EPDR1: variants seen among roughly 807,000 people sequenced by gnomAD.
EPDR1 encodes the protein ependymin related 1, also known as mammalian ependymin-related protein 1.
A neutral mutation model predicts 23.7 loss-of-function variants in EPDR1; 27 were observed. The observed-to-expected ratio is 1.14, with a 90% confidence interval of 0.84 to 1.57. The LOEUF (loss-of-function observed/expected upper bound fraction) is 1.57. Ranked by LOEUF, EPDR1 falls within the 40% of genes most tolerant of loss-of-function variation. EPDR1 has a pLI of 0.00. For synonymous variants in EPDR1, 137 were observed against 118.2 expected (o/e 1.16, Z -1.03); for missense variants, 349 against 290.4 (o/e 1.20, Z -1.47).
chr7:37,939,325 G>A (rs1207711579), intron 1 of EPDR1, among the ~76,000 whole-genome samples: 1 of 151,840 alleles, frequency 6.6e-6, no homozygotes, highest in Non-Finnish European at 1.5e-5. Context: ...CTGCCACTGT[G>A]GGCTTAAATC....
chr7:37,924,376 G>T (rs1785774852), intron 1 of EPDR1, among the ~76,000 whole-genome samples: 1 of 152,212 alleles, frequency 6.6e-6, no homozygotes, highest in African/African-American at 2.4e-5. Context: ...CAATAGAGAT[G>T]ACTTGGTGGT....
intron 2 of EPDR1, 49 bp downstream of exon 2, chr7:37,949,097 A>C (rs1562865169): frequency 1.3e-6 from 2 of 1,544,790 alleles, no homozygotes; most frequent in Non-Finnish European, 1.8e-6. Flanking sequence ...CATGATGGGG[A>C]AAAAGGTTTA....
Position 37,931,526 on chromosome 7 carries a change from T to A in EPDR1, c.269+10318T>A, listed in dbSNP as rs1020122670. ...AAGACTCCATAAAAAAATAAATAAA[T>A]AAAAAAAATAAAAAAAAGAGAAGTC... On this transcript the variant is annotated intron_variant, in intron 1 of 2. Coordinates refer to ENST00000199448, the MANE Select transcript of EPDR1 (RefSeq NM_017549.5). 4.3e-4 allele frequency among the ~76,000 whole-genome samples: 65 copies of A among 151,374 alleles called. 1 individual carries two copies. The highest frequency in any genetic ancestry group is 1.5e-4 in the Non-Finnish European group (10 of 67,858).
intron 1 of EPDR1, among the ~76,000 whole-genome samples, chr7:37,931,210 C>T (rs988746062): frequency 2.6e-5 from 4 of 152,112 alleles, no homozygotes; most frequent in Non-Finnish European, 5.9e-5. Context: ...ATGGCATTTA[C>T]AGCTCTCAAA....
chr7:37,933,222 T>C (rs1415614304), intron 1 of EPDR1, among the ~76,000 whole-genome samples: 1 of 152,262 alleles, frequency 6.6e-6, no homozygotes, highest in Non-Finnish European at 1.5e-5. Flanking sequence ...ATGGCCGGCA[T>C]GCATTACTAA....
chr7:37,921,713 A>C (rs1202433394), intron 1 of EPDR1, among the ~76,000 whole-genome samples: 1 of 152,178 alleles, frequency 6.6e-6, no homozygotes, highest in African/African-American at 2.4e-5. Context: ...ATAAAAAGAA[A>C]ATTTCACCCA....
chr7:37,949,505 G>A (rs1786352449), intron 2 of EPDR1, among the ~76,000 whole-genome samples: 1 of 152,126 alleles, frequency 6.6e-6, no homozygotes, highest in African/African-American at 2.4e-5. Flanking sequence ...CCTATCCCAA[G>A]ACAGTTTTTA....
rs117825781 is a variant in EPDR1, at chr7:37,950,799, G to A, written c.*403G>A. On this transcript the variant is annotated 3_prime_UTR_variant, in exon 3 of 3. Transcript: ENST00000199448. ...AATTAGTGATAATAAAAAGCAGAGT[G>A]ATTTTGGTCAATTTTATTATTAATT... 5.1e-4 allele frequency: 81 copies of A among 159,098 alleles called. 3 individuals carry two copies. The South Asian group carries it at 0.016, about 32-fold the overall frequency. 9.9% of individuals were successfully genotyped at this position (159,098 alleles called of 1,614,324 possible).
rs1180062656 is a variant in EPDR1, at chr7:37,951,110, GCTT to G, written c.*718_*720del. Reference sequence around the variant, plus strand: ...CACTGGCATAGCACGAGCCATGTAAGCTTCTTTTTTTTCTATGCAAGAGTATTG... The same window carrying G: ...CACTGGCATAGCACGAGCCATGTAAGCTTTTTTTTCTATGCAAGAGTATTG... On this transcript the variant is annotated 3_prime_UTR_variant, in exon 3 of 3. Transcript: ENST00000199448. 6.6e-6 allele frequency: 1 copy of G among 152,212 alleles called. No individual in the cohort carries two copies. Among genetic ancestry groups the G allele is most frequent in the African/African-American group, 2.4e-5 (1 of 41,462 alleles). 9.4% of individuals were successfully genotyped at this position (152,212 alleles called of 1,614,324 possible). A position where few individuals can be genotyped will look rare whatever the true frequency, so the allele number is the denominator to read the frequency against.
intron 1 of EPDR1, among the ~76,000 whole-genome samples, chr7:37,923,848 A>G (rs1399666332): frequency 6.6e-6 from 1 of 152,200 alleles, no homozygotes; most frequent in Non-Finnish European, 1.5e-5. Context: ...ATGGGAATTA[A>G]ATGAGCTCAA....
At position 37,926,402 on chromosome 7, in the gene EPDR1, C is replaced by T. The variant is rs148643898; in HGVS notation, c.269+5194C>T. 8.4e-3 allele frequency among the ~76,000 whole-genome samples: 1,244 copies of T among 148,168 alleles called. 13 individuals are homozygous for T. Among genetic ancestry groups the T allele is most frequent in the Middle Eastern group, 0.04 (11 of 274 alleles). On this transcript the variant is annotated intron_variant, in intron 1 of 2. Coordinates refer to ENST00000199448, the MANE Select transcript of EPDR1 (RefSeq NM_017549.5). ...ACAACCATAAAAGTCAGGAGATTAA[C>T]ACCAGTTCATTTTGACCATCTGAAA...
At chr7:37,948,801 C>T (rs1434048437) in intron 1 of EPDR1, 39 bp from the exon 2 acceptor site, 6 of 1,548,562 alleles carry the variant, frequency 3.9e-6, no homozygotes, top group Non-Finnish European at 4.5e-6. Context: ...AGGATGGTAA[C>T]ATGAAGTCCC....
chr7:37,941,792 C>T (rs1384122027), intron 1 of EPDR1, among the ~76,000 whole-genome samples: 1 of 152,120 alleles, frequency 6.6e-6, no homozygotes, highest in Non-Finnish European at 1.5e-5. Flanking sequence ...TGGGGGGCCA[C>T]TTGAATATGG....
At chr7:37,940,796 GT>G (rs200174819) in intron 1 of EPDR1, among the ~76,000 whole-genome samples, 64 of 130,754 alleles carry the variant, frequency 4.9e-4, no homozygotes, top group African/African-American at 1.4e-3. Flanking sequence ...ATGAATTCGA[GT>G]TTTTTTTTTC....
intron 1 of EPDR1, among the ~76,000 whole-genome samples, chr7:37,926,289 A>G (rs1343802661): frequency 6.6e-6 from 1 of 152,188 alleles, no homozygotes; most frequent in Non-Finnish European, 1.5e-5. Context: ...ACTGTTTGAT[A>G]GTAAGTTGCC....
At chr7:37,948,088 C>A (rs569343521) in intron 1 of EPDR1, among the ~76,000 whole-genome samples, 8 of 152,212 alleles carry the variant, frequency 5.3e-5, no homozygotes, top group Non-Finnish European at 1.2e-4. Flanking sequence ...CACAGGCACT[C>A]GGTCCATCCA....
chr7:37,940,806 T>C (rs79488169), intron 1 of EPDR1, among the ~76,000 whole-genome samples: 4 of 151,122 alleles, frequency 2.6e-5, no homozygotes, highest in Non-Finnish European at 4.4e-5. Flanking sequence ...GTTTTTTTTT[T>C]CTAATTGGAA....
chr7:37,932,113 T>A (rs1272164237), intron 1 of EPDR1, among the ~76,000 whole-genome samples: 1 of 152,174 alleles, frequency 6.6e-6, no homozygotes, highest in Non-Finnish European at 1.5e-5. Context: ...ACATTACATC[T>A]GTCTTCCAAA....
rs759499463 is a variant in EPDR1 at position 37,921,149 on chromosome 7, C to G, written c.210C>G (p.Asp70Glu). Residue 70 changes from aspartate (D) to glutamate (E), a missense_variant, in exon 1 of 3, where the codon GAC becomes GAG. Asp to Glu is a conservative substitution (Grantham distance 45, BLOSUM62 2). Transcript: ENST00000199448. ...ACAGCCGCGCCCTGCTCTCCTACGA[C>G]GGGCTCAACCAGCGCGTGCGGGTGC... ...GRNSRALLSY[D>E]GLNQRVRVLD... The G allele has an allele frequency of 5.3e-5, 85 of 1,596,002 alleles. No individual in the cohort carries two copies. The highest frequency in any genetic ancestry group is 6.9e-5 in the Non-Finnish European group (81 of 1,178,840).
Sources: allele counts gnomAD v4.1 joint callset (sites outside exome capture counted in the v4.1 genomes callset), GRCh38; gene constraint gnomAD v4.1.1; transcripts MANE v1.5; gene names NCBI Gene and HGNC (gene_info 2026-07-23, HGNC 2026-07-21).